LOC400499: variants seen among roughly 807,000 people sequenced by gnomAD.
At chr16:11,483,512 T>G in the LOC400499 span, among the ~76,000 whole-genome samples, 7 of 151,994 alleles carry the variant, frequency 4.6e-5, no homozygotes, top group Admixed American at 4.6e-4. Context: ...CATGGGTGAG[T>G]CTCAGAATAA....
At chr16:11,440,857 G>C in the LOC400499 span, 1 of 398,934 alleles carries the variant, frequency 2.5e-6, no homozygotes, top group Admixed American at 4.4e-5. Flanking sequence ...GGAAGAAATA[G>C]ACAACACCCT....
At chr16:11,410,060 C>T in the LOC400499 span, among the ~76,000 whole-genome samples, 1 of 152,202 alleles carries the variant, frequency 6.6e-6, no homozygotes, top group Non-Finnish European at 1.5e-5. Context: ...AGGAGGATCA[C>T]TTGCACCCAG....
chr16:11,496,543 G>C, the LOC400499 span, among the ~76,000 whole-genome samples: 1 of 152,188 alleles, frequency 6.6e-6, no homozygotes, highest in Non-Finnish European at 1.5e-5. Context: ...GGGTGTGCAG[G>C]TGTCTCAGCG....
chr16:11,526,311 C>A, the LOC400499 span, among the ~76,000 whole-genome samples: 1 of 152,178 alleles, frequency 6.6e-6, no homozygotes, highest in African/African-American at 2.4e-5. Context: ...TGGCTCATGC[C>A]TGTAATCCCA....
At chr16:11,523,055 C>T in the LOC400499 span, among the ~76,000 whole-genome samples, 2 of 152,226 alleles carry the variant, frequency 1.3e-5, no homozygotes, top group Non-Finnish European at 2.9e-5. Flanking sequence ...TCCTAAGATG[C>T]TTCTCTCTTT....
chr16:11,388,077 A>G, the LOC400499 span, among the ~76,000 whole-genome samples: 11 of 152,094 alleles, frequency 7.2e-5, no homozygotes, highest in Non-Finnish European at 1.5e-4. Context: ...CCTGTTGTTG[A>G]TGGGCCAGTA....
At chr16:11,391,413 G>A in the LOC400499 span, among the ~76,000 whole-genome samples, 3 of 152,218 alleles carry the variant, frequency 2.0e-5, no homozygotes, top group East Asian at 5.8e-4. Flanking sequence ...AAAAAACCTA[G>A]GCAGCAGGCA....
the LOC400499 span, among the ~76,000 whole-genome samples, chr16:11,512,803 C>A: frequency 6.6e-6 from 1 of 152,148 alleles, no homozygotes; most frequent in African/African-American, 2.4e-5. Flanking sequence ...CCTGGCAAGC[C>A]TGGATGCCCC....
chr16:11,524,361 G>GTCTCCTATCCATCCACCCAC, the LOC400499 span, among the ~76,000 whole-genome samples: 1 of 93,728 alleles, frequency 1.1e-5, no homozygotes, highest in African/African-American at 6.4e-5. Flanking sequence ...CATCCACCCA[G>GTCTCCTATCCATCCACCCAC]CCACCCACCC....
At chr16:11,469,221 C>T in the LOC400499 span, 65 of 399,386 alleles carry the variant, frequency 1.6e-4, no homozygotes, top group Non-Finnish European at 7.1e-5. Flanking sequence ...CTCCAAGTGA[C>T]CCGTGTGGGC....
chr16:11,393,432 C>A, the LOC400499 span: 17 of 1,232,174 alleles, frequency 1.4e-5, no homozygotes, highest in South Asian at 5.8e-4. Flanking sequence ...GCTTGGGGCC[C>A]GGAACACAGA....
chr16:11,393,933 G>C, the LOC400499 span, among the ~76,000 whole-genome samples: 4 of 152,102 alleles, frequency 2.6e-5, no homozygotes, highest in Non-Finnish European at 5.9e-5. Context: ...ACAAAACTTA[G>C]CCAGTCTCAT....
the LOC400499 span, chr16:11,446,865 C>G: frequency 6.5e-7 from 1 of 1,536,082 alleles, no homozygotes; most frequent in East Asian, 2.4e-5. Flanking sequence ...CTGTGAAGGT[C>G]TCCTGCAGGA....
the LOC400499 span, among the ~76,000 whole-genome samples, chr16:11,520,845 A>G: frequency 1.3e-5 from 2 of 152,138 alleles, no homozygotes; most frequent in Non-Finnish European, 1.5e-5. Flanking sequence ...TTTCTCTAAA[A>G]ATATATTCAT....
At chr16:11,429,681 CCAG>C in the LOC400499 span, among the ~76,000 whole-genome samples, 1 of 152,064 alleles carries the variant, frequency 6.6e-6, no homozygotes, top group Non-Finnish European at 1.5e-5. Context: ...ACCATGTTGG[CCAG>C]GCTGGTCTTG....
chr16:11,429,725 C>G, the LOC400499 span, among the ~76,000 whole-genome samples: 1 of 152,006 alleles, frequency 6.6e-6, no homozygotes, highest in Non-Finnish European at 1.5e-5. Context: ...CTGCCCGCCT[C>G]AGCCTCCCAA....
chr16:11,513,972 T>G, the LOC400499 span, among the ~76,000 whole-genome samples: 3 of 152,070 alleles, frequency 2.0e-5, no homozygotes, highest in African/African-American at 7.2e-5. Flanking sequence ...CTGTGCAGAA[T>G]TGTAGGAGGG....
At chr16:11,406,368 C>G in the LOC400499 span, among the ~76,000 whole-genome samples, 1 of 152,208 alleles carries the variant, frequency 6.6e-6, no homozygotes, top group African/African-American at 2.4e-5. Flanking sequence ...GTGTAATATT[C>G]CATGGTGTAT....
chr16:11,447,821 G>T, the LOC400499 span: 17 of 1,362,816 alleles, frequency 1.2e-5, no homozygotes, highest in East Asian at 4.3e-4. Context: ...GCCCCAGCAG[G>T]TCAGCAGAGA....
Sources: allele counts gnomAD v4.1 joint callset (sites outside exome capture counted in the v4.1 genomes callset), GRCh38; gene constraint gnomAD v4.1.1; transcripts MANE v1.5.